NALF1: variants seen among roughly 807,000 people sequenced by gnomAD.
NALF1 encodes family with sequence similarity 155 member A.
A neutral mutation model predicts 48.4 loss-of-function variants in NALF1; 3 were observed. That is an observed-to-expected ratio of 0.06 (90% CI 0.03 to 0.16). The LOEUF (loss-of-function observed/expected upper bound fraction) is 0.16, where lower values mean the gene tolerates loss of function less well. Ranked by LOEUF, NALF1 falls within the 10% of genes least tolerant of loss-of-function variation. The probability of loss-of-function intolerance (pLI) is 1.00; values close to 1 mark genes in which losing one functional copy is unlikely to be tolerated. For synonymous variants in NALF1, 262 were observed against 245.7 expected (o/e 1.07, Z -0.62); for missense variants, 526 against 571.5 (o/e 0.92, Z 0.81).
At chr13:107,174,689 T>C (rs1235061970) in intron 2 of NALF1, among the ~76,000 whole-genome samples, 1 of 151,600 alleles carries the variant, frequency 6.6e-6, no homozygotes, top group East Asian at 2.0e-4. Flanking sequence ...TGTCTTTAGG[T>C]TGATCAGACT....
intron 1 of NALF1, among the ~76,000 whole-genome samples, chr13:107,821,610 G>A (rs1879363929): frequency 6.6e-6 from 1 of 152,286 alleles, no homozygotes; most frequent in Admixed American, 6.5e-5. Flanking sequence ...GTCAAGTCAT[G>A]AAAAGTAAAG....
chr13:107,676,273 T>C (rs923729356), intron 1 of NALF1, among the ~76,000 whole-genome samples: 37 of 152,328 alleles, frequency 2.4e-4, no homozygotes, highest in Non-Finnish European at 1.2e-4. Flanking sequence ...CAGAGTCATA[T>C]AGACTTAGGT....
chr13:107,251,071 A>G (rs560014374), intron 1 of NALF1, among the ~76,000 whole-genome samples: 4 of 152,218 alleles, frequency 2.6e-5, no homozygotes, highest in Non-Finnish European at 5.9e-5. Context: ...CAGTGTGAGA[A>G]CAGACTAATA....
chr13:107,742,829 C>G (rs1231420687), intron 1 of NALF1, among the ~76,000 whole-genome samples: 1 of 152,114 alleles, frequency 6.6e-6, no homozygotes, highest in Non-Finnish European at 1.5e-5. Context: ...GGTCTGGCAC[C>G]CAACAACCAC....
At chr13:107,409,016 A>C (rs1235571262) in intron 1 of NALF1, among the ~76,000 whole-genome samples, 1 of 152,150 alleles carries the variant, frequency 6.6e-6, no homozygotes, top group Non-Finnish European at 1.5e-5. Context: ...AGAAGAGCTT[A>C]AAAGATAAAC....
chr13:107,403,759 G>C (rs993885222), intron 1 of NALF1, among the ~76,000 whole-genome samples: 1 of 151,182 alleles, frequency 6.6e-6, no homozygotes, highest in Non-Finnish European at 1.5e-5. Context: ...ACATATTTAT[G>C]AATGAAGTTA....
chr13:107,799,697 G>A lies in NALF1; in HGVS notation c.915+65985C>T, dbSNP rs534236171. 9.2e-5 allele frequency among the ~76,000 whole-genome samples: 14 copies of A among 152,226 alleles called. No homozygotes were observed. In the South Asian group the frequency reaches 2.5e-3, roughly 27 times the overall value. ...AACTGCAGATGTTAAAATGTTTAAA[G>A]ACAAAAAGCAATCAAAAGAATATTG... On this transcript the variant is annotated intron_variant, in intron 1 of 2. Transcript: ENST00000375915.
chr13:107,660,484 C>CACACACACACAAACAA (rs1386945144), intron 1 of NALF1, among the ~76,000 whole-genome samples: 1 of 139,122 alleles, frequency 7.2e-6, no homozygotes, highest in Non-Finnish European at 1.6e-5. Context: ...CACACACACA[C>CACACACACACAAACAA]AACAAAGAAA....
At chr13:107,536,725 C>G (rs1448989715) in intron 1 of NALF1, among the ~76,000 whole-genome samples, 5 of 152,174 alleles carry the variant, frequency 3.3e-5, no homozygotes, top group African/African-American at 1.2e-4. Context: ...CATCCCATTA[C>G]TGGGTATATA....
At chr13:107,400,076 T>C (rs1033849051) in intron 1 of NALF1, among the ~76,000 whole-genome samples, 1 of 152,276 alleles carries the variant, frequency 6.6e-6, no homozygotes, top group African/African-American at 2.4e-5. Flanking sequence ...CTATGTTCAC[T>C]TTATACCTCA....
At chr13:107,773,373 G>T (rs1390462476) in intron 1 of NALF1, among the ~76,000 whole-genome samples, 1 of 152,138 alleles carries the variant, frequency 6.6e-6, no homozygotes, top group Non-Finnish European at 1.5e-5. Context: ...AAACAGTGCA[G>T]AAAAGACTAA....
chr13:107,209,508 AAAAG>A (rs891041606), intron 2 of NALF1, among the ~76,000 whole-genome samples: 2 of 152,142 alleles, frequency 1.3e-5, no homozygotes, highest in Non-Finnish European at 2.9e-5. Flanking sequence ...CAAAAAAAAA[AAAAG>A]AAAGAAATAC....
At chr13:107,401,003 A>T (rs1373703752) in intron 1 of NALF1, among the ~76,000 whole-genome samples, 1 of 152,202 alleles carries the variant, frequency 6.6e-6, no homozygotes, top group East Asian at 1.9e-4. Context: ...AGTCTTAATT[A>T]TGTGGATACA....
chr13:107,542,886 A>C (rs1175516034), intron 1 of NALF1, among the ~76,000 whole-genome samples: 1 of 152,122 alleles, frequency 6.6e-6, no homozygotes, highest in African/African-American at 2.4e-5. Flanking sequence ...AAACATTAGA[A>C]ACCATGGCAT....
At chr13:107,817,350 G>C (rs975733762) in intron 1 of NALF1, among the ~76,000 whole-genome samples, 4 of 152,198 alleles carry the variant, frequency 2.6e-5, no homozygotes, top group African/African-American at 7.2e-5. Context: ...GTGCTACTTA[G>C]AATGATGATT....
At chr13:107,837,231 T>G (rs1335419144) in intron 1 of NALF1, among the ~76,000 whole-genome samples, 5 of 152,062 alleles carry the variant, frequency 3.3e-5, no homozygotes, top group Admixed American at 3.3e-4. Flanking sequence ...TGTAACCAAT[T>G]ACAGGAAAAA....
chr13:107,550,868 C>A (rs1877271243), intron 1 of NALF1, among the ~76,000 whole-genome samples: 1 of 151,240 alleles, frequency 6.6e-6, no homozygotes, highest in Admixed American at 6.6e-5. Flanking sequence ...TTTTCTCTAA[C>A]TTTGAGGTTA....
At chr13:107,644,185 T>C (rs1362246624) in intron 1 of NALF1, among the ~76,000 whole-genome samples, 1 of 152,098 alleles carries the variant, frequency 6.6e-6, no homozygotes, top group Non-Finnish European at 1.5e-5. Context: ...TAAAAATACA[T>C]GTAACATTTT....
intron 1 of NALF1, among the ~76,000 whole-genome samples, chr13:107,221,273 C>G (rs1220768906): frequency 6.6e-6 from 1 of 151,844 alleles, no homozygotes; most frequent in Admixed American, 6.6e-5. Context: ...ACCACTAAAG[C>G]TATTGAAATT....
Sources: gnomAD v4.1 joint callset for allele counts (sites outside exome capture counted in the v4.1 genomes callset) on GRCh38, gnomAD v4.1.1 for gene constraint, MANE v1.5 for transcripts, NCBI Gene and HGNC (gene_info 2026-07-23, HGNC 2026-07-21) for gene names.